Variants in MAP2 observed in about 807,000 individuals in gnomAD.
MAP2 encodes the protein microtubule associated protein 2.
In MAP2, 14 loss-of-function variants were observed where a neutral mutation model predicts 137.6. That is an observed-to-expected ratio of 0.10 (90% confidence interval 0.07 to 0.16). MAP2 has a LOEUF of 0.16. Among genes scored for constraint, MAP2 ranks in the 10% least tolerant of loss-of-function variants. MAP2 has a pLI of 1.00. For missense variants in MAP2, 2,088 were observed against 2,191.5 expected (o/e 0.95, Z 0.94); for synonymous variants, 786 against 782.3 (o/e 1.00, Z -0.08).
At chr2:209,618,789 C>T (rs979806853) in intron 3 of MAP2, among the ~76,000 whole-genome samples, 6 of 152,014 alleles carry the variant, frequency 3.9e-5, no homozygotes, top group African/African-American at 1.4e-4. Context: ...GGATATATAT[C>T]CAAAGAAACT....
At chr2:209,617,466 A>G (rs532899079) in intron 3 of MAP2, among the ~76,000 whole-genome samples, 2 of 152,286 alleles carry the variant, frequency 1.3e-5, no homozygotes, top group African/African-American at 4.8e-5. Context: ...TCAAATGTCA[A>G]GGGTGGGGGA....
chr2:209,453,684 T>A, intron 1 of MAP2, among the ~76,000 whole-genome samples: 1 of 152,264 alleles, frequency 6.6e-6, no homozygotes, highest in Non-Finnish European at 1.5e-5. Context: ...TGTTTAAAAT[T>A]TTTTTTATCA....
chr2:209,450,493 A>T (rs1029250575), intron 1 of MAP2, among the ~76,000 whole-genome samples: 4 of 152,160 alleles, frequency 2.6e-5, no homozygotes, highest in Non-Finnish European at 5.9e-5. Context: ...AAGAATCATA[A>T]ATATAATTTC....
intron 2 of MAP2, among the ~76,000 whole-genome samples, chr2:209,523,209 C>T (rs569876927): frequency 6.6e-6 from 1 of 152,202 alleles, no homozygotes; most frequent in South Asian, 2.1e-4. Context: ...CATAACACCC[C>T]GAATGCAATC....
intron 1 of MAP2, among the ~76,000 whole-genome samples, chr2:209,492,991 A>G (rs1217860749): frequency 6.6e-6 from 1 of 152,216 alleles, no homozygotes; most frequent in African/African-American, 2.4e-5. Flanking sequence ...AAGCAAAAAG[A>G]GCAAAGCTGG....
intron 5 of MAP2, among the ~76,000 whole-genome samples, chr2:209,657,206 C>G (rs2041353280): frequency 6.6e-6 from 1 of 152,036 alleles, no homozygotes; most frequent in African/African-American, 2.4e-5. Context: ...GATTCCATAC[C>G]TTTGCTATTG....
intron 2 of MAP2, among the ~76,000 whole-genome samples, chr2:209,542,292 A>G (rs1257017553): frequency 1.3e-5 from 2 of 152,240 alleles, no homozygotes; most frequent in Non-Finnish European, 2.9e-5. Context: ...AATCCTGTAA[A>G]CAGATATGCT....
At chr2:209,501,749 A>G (rs1483990331) in intron 1 of MAP2, among the ~76,000 whole-genome samples, 2 of 152,174 alleles carry the variant, frequency 1.3e-5, no homozygotes, top group African/African-American at 2.4e-5. Flanking sequence ...AATCTTCACA[A>G]TTCTGCACCT....
chr2:209,688,369 ATTAAATAGCATCT>A (rs934141651), intron 7 of MAP2, among the ~76,000 whole-genome samples: 70 of 152,318 alleles, frequency 4.6e-4, no homozygotes, highest in African/African-American at 1.3e-3. Context: ...TAATATTACT[ATTAAATAGCATCT>A]TTAAATAGCA....
chr2:209,484,336 G>T (rs1434787029), intron 1 of MAP2, among the ~76,000 whole-genome samples: 1 of 151,658 alleles, frequency 6.6e-6, no homozygotes, highest in Non-Finnish European at 1.5e-5. Context: ...GCGAGGCGCA[G>T]TGGCTCACGC....
intron 1 of MAP2, among the ~76,000 whole-genome samples, chr2:209,507,382 A>G (rs1280500991): frequency 6.6e-6 from 1 of 152,058 alleles, no homozygotes; most frequent in African/African-American, 2.4e-5. Context: ...TTTAATATAT[A>G]TTTTTTTCAA....
At chr2:209,634,401 T>TGAAAC (rs1344791367) in intron 4 of MAP2, among the ~76,000 whole-genome samples, 6 of 152,202 alleles carry the variant, frequency 3.9e-5, no homozygotes, top group Non-Finnish European at 1.5e-5. Context: ...GTTGAAACGT[T>TGAAAC]GTTTGTCCTC....
intron 2 of MAP2, among the ~76,000 whole-genome samples, chr2:209,532,311 T>C (rs1219196445): frequency 1.3e-5 from 2 of 151,824 alleles, no homozygotes; most frequent in Non-Finnish European, 2.9e-5. Context: ...TCAGCTCTTA[T>C]ATGTTCTAGG....
intron 4 of MAP2, among the ~76,000 whole-genome samples, chr2:209,647,048 A>T (rs73072859): frequency 1.3e-5 from 2 of 152,140 alleles, no homozygotes; most frequent in Non-Finnish European, 2.9e-5. Flanking sequence ...GAAACCTTAC[A>T]GTCATGGTAG....
intron 1 of MAP2, among the ~76,000 whole-genome samples, chr2:209,487,380 C>T (rs1252910099): frequency 6.6e-6 from 1 of 152,128 alleles, no homozygotes; most frequent in Non-Finnish European, 1.5e-5. Flanking sequence ...CTTTGAAATT[C>T]AGGTTTCACT....
intron 4 of MAP2, among the ~76,000 whole-genome samples, chr2:209,629,501 T>C (rs138345959): frequency 6.6e-6 from 1 of 152,276 alleles, no homozygotes; most frequent in African/African-American, 2.4e-5. Context: ...TTCACCATCC[T>C]CTCTGAAAAT....
chr2:209,678,966 T>C (rs1158091669), intron 6 of MAP2, among the ~76,000 whole-genome samples: 3 of 152,100 alleles, frequency 2.0e-5, no homozygotes, highest in Admixed American at 6.6e-5. Flanking sequence ...GAAATAGTTA[T>C]TATTAAAATA....
chr2:209,502,935 T>C (rs555064437), intron 1 of MAP2, among the ~76,000 whole-genome samples: 82 of 152,228 alleles, frequency 5.4e-4, no homozygotes, highest in African/African-American at 1.9e-3. Flanking sequence ...AATCAGGTTA[T>C]TTTTATTTAT....
intron 1 of MAP2, among the ~76,000 whole-genome samples, chr2:209,429,449 A>T (rs2149265750): frequency 6.6e-6 from 1 of 152,210 alleles, no homozygotes; most frequent in African/African-American, 2.4e-5. Flanking sequence ...TATGTTAGTT[A>T]ACTAGTTCCA....
Sources: gnomAD v4.1 joint callset for allele counts (sites outside exome capture counted in the v4.1 genomes callset) on GRCh38, gnomAD v4.1.1 for gene constraint, MANE v1.5 for transcripts, NCBI Gene and HGNC (gene_info 2026-07-23, HGNC 2026-07-21) for gene names.